DGKD: variants seen among roughly 807,000 people sequenced by gnomAD.
DGKD encodes the protein DAG kinase delta.
In DGKD, 68 loss-of-function variants were observed where a neutral mutation model predicts 154.4. That is an observed-to-expected ratio of 0.44 (90% confidence interval 0.36 to 0.54). DGKD has a LOEUF of 0.54. DGKD is among the 20% of genes least tolerant of loss of function. The pLI is 0.00. For synonymous variants in DGKD, 693 were observed against 638.0 expected (o/e 1.09, Z -1.30); for missense variants, 1,343 against 1,593.6 (o/e 0.84, Z 2.68).
At chr2:233,365,798 G>C (rs1306480779) in intron 1 of DGKD, among the ~76,000 whole-genome samples, 1 of 152,146 alleles carries the variant, frequency 6.6e-6, no homozygotes, top group East Asian at 1.9e-4. Flanking sequence ...TAATTTATGA[G>C]TCACAGAAAG....
rs773235445 is a variant in DGKD at position 233,436,463 on chromosome 2, G to A, written c.819+22G>A. On this transcript the variant is annotated intron_variant, in intron 7 of 29. Transcript: ENST00000264057. Reference sequence around the variant, plus strand: ...CATGGTGAGTGTGGGCCCTGCGCCCGGGCTGGAGGGGAGGGCTTGCTCCCT... The same window carrying A: ...CATGGTGAGTGTGGGCCCTGCGCCCAGGCTGGAGGGGAGGGCTTGCTCCCT... The A allele has an allele frequency of 4.0e-5, 65 of 1,604,986 alleles. No individual in the cohort carries two copies. In the Middle Eastern group the frequency reaches 4.9e-4, roughly 12 times the overall value.
At chr2:233,467,746 C>A (rs2063868573) in intron 28 of DGKD, among the ~76,000 whole-genome samples, 1 of 152,182 alleles carries the variant, frequency 6.6e-6, no homozygotes, top group Non-Finnish European at 1.5e-5. Context: ...CAGGCCATAT[C>A]CAGTGCTGTC....
chr2:233,360,282 T>G (rs1701720058), intron 1 of DGKD, among the ~76,000 whole-genome samples: 1 of 151,052 alleles, frequency 6.6e-6, no homozygotes, highest in South Asian at 2.1e-4. Context: ...TCTTTTTTTC[T>G]GAGACAGGGT....
intron 9 of DGKD, among the ~76,000 whole-genome samples, chr2:233,439,274 T>C (rs996314691): frequency 2.0e-5 from 3 of 152,112 alleles, no homozygotes; most frequent in African/African-American, 7.2e-5. Context: ...GTGGGGTCTG[T>C]GTATTAGGAG....
Position 233,436,333 on chromosome 2 carries a change from G to C in DGKD, c.711G>C (p.Gln237His), listed in dbSNP as rs775557000. Residue 237 changes from glutamine (Q) to histidine (H), a missense_variant, in exon 7 of 30, where the codon CAG becomes CAC. Around this residue, in one of 6 missense-constraint regions of DGKD, gnomAD observed 332 missense variants for 400.1 expected, o/e 0.83. Coordinates refer to ENST00000264057, the MANE Select transcript of DGKD (RefSeq NM_152879.3). Reference sequence around the variant, plus strand: ...GGTTGCAGATTGCAATGCCCCACCAGTGGTTGGAAGGAAACCTACCTGTGA... The same window carrying C: ...GGTTGCAGATTGCAATGCCCCACCACTGGTTGGAAGGAAACCTACCTGTGA... ...EDADGIAMPH[Q>H]WLEGNLPVSA... The C allele has an allele frequency of 6.2e-7, 1 of 1,614,240 alleles. No individual in the cohort carries two copies. Among genetic ancestry groups the C allele is most frequent in the Non-Finnish European group, 8.5e-7 (1 of 1,180,040 alleles).
chr2:233,374,088 T>C (rs1301274828), intron 1 of DGKD, among the ~76,000 whole-genome samples: 1 of 152,086 alleles, frequency 6.6e-6, no homozygotes, highest in Non-Finnish European at 1.5e-5. Flanking sequence ...AGTCTCGCTC[T>C]CACCCAGGCT....
At chr2:233,368,666 T>G (rs1702160162) in intron 1 of DGKD, among the ~76,000 whole-genome samples, 2 of 152,160 alleles carry the variant, frequency 1.3e-5, no homozygotes, top group South Asian at 4.1e-4. Flanking sequence ...GGCAAATGTT[T>G]CTCTCCCCCC....
intron 3 of DGKD, among the ~76,000 whole-genome samples, chr2:233,396,972 TG>T (rs565720239): frequency 9.2e-5 from 4 of 43,256 alleles, no homozygotes; most frequent in East Asian, 7.7e-4. Flanking sequence ...CCAGGGTGGC[TG>T]GGGGGGGCAG....
chr2:233,444,089 G>A (rs1030648461), intron 10 of DGKD, among the ~76,000 whole-genome samples: 4 of 152,064 alleles, frequency 2.6e-5, no homozygotes, highest in Non-Finnish European at 5.9e-5. Flanking sequence ...TCCTGGGGGC[G>A]CCTCAATTGA....
intron 26 of DGKD, 146 bp downstream of exon 26, chr2:233,462,881 T>C (rs2063694962): frequency 4.2e-6 from 3 of 713,610 alleles, no homozygotes; most frequent in Non-Finnish European, 7.1e-6. Flanking sequence ...TGGTTTGTTG[T>C]GCGGCTGGTG....
intron 1 of DGKD, among the ~76,000 whole-genome samples, chr2:233,385,178 G>A (rs2125428622): frequency 2.0e-5 from 3 of 152,286 alleles, no homozygotes; most frequent in African/African-American, 7.2e-5. Flanking sequence ...CATTCTCAGA[G>A]CTGTCTTACT....
intron 1 of DGKD, among the ~76,000 whole-genome samples, chr2:233,372,195 A>AT (rs1702357495): frequency 6.6e-6 from 1 of 151,884 alleles, no homozygotes; most frequent in South Asian, 2.1e-4. Context: ...TAATTTTTGT[A>AT]TTTTTTGTAG....
rs559892595 is a variant in DGKD, at chr2:233,468,686, G to A, written c.3555+133G>A. The stretch of plus-strand genomic sequence containing the variant: ...TCAGGCTTTCGTGTATACCTCAGGT[G>A]GGGGCGGCTGTGGCCCTCATCTAGG... On this transcript the variant is annotated intron_variant, in intron 29 of 29. Transcript: ENST00000264057. 1.1e-5 allele frequency: 15 copies of A among 1,408,230 alleles called. No homozygotes were observed. The South Asian group carries it at 1.9e-4, about 18-fold the overall frequency. 87.2% of individuals were successfully genotyped at this position (1,408,230 alleles called of 1,614,324 possible).
intron 3 of DGKD, among the ~76,000 whole-genome samples, chr2:233,432,246 CCAGGCG>C (rs2062544077): frequency 2.0e-5 from 2 of 101,514 alleles, no homozygotes; most frequent in African/African-American, 3.4e-5. Flanking sequence ...AAAAAATTAG[CCAGGCG>C]TGGTTGCTCA....
At chr2:233,374,048 T>G (rs1395728240) in intron 1 of DGKD, among the ~76,000 whole-genome samples, 1 of 151,922 alleles carries the variant, frequency 6.6e-6, no homozygotes, top group Non-Finnish European at 1.5e-5. Context: ...GTTTTTTTTG[T>G]TTTTGTTTGT....
rs959386711 is a variant in DGKD, at chr2:233,449,437, C to T, written c.1888+61C>T. The T allele has an allele frequency of 7.2e-6, 11 of 1,526,878 alleles. No individual in the cohort carries two copies. Among genetic ancestry groups the T allele is most frequent in the African/African-American group, 4.1e-5 (3 of 72,870 alleles). 94.6% of individuals were successfully genotyped at this position (1,526,878 alleles called of 1,614,324 possible). On this transcript the variant is annotated intron_variant, in intron 15 of 29. Coordinates refer to ENST00000264057, the MANE Select transcript of DGKD (RefSeq NM_152879.3). This position sits in a 1 kb window ranked among gnomAD's most constrained non-coding sequence, Gnocchi z 5.3. The stretch of plus-strand genomic sequence containing the variant: ...GGCCAGCACTGGGCATGCCCAGCGT[C>T]CCCTGAACACGGAGATGACAGAAGG...
Position 233,450,124 on chromosome 2 carries a change from G to A in DGKD, c.2031G>A (p.Gln677=). 1 of 1,610,098 alleles carries A rather than the reference G, an allele frequency of 6.2e-7. No individual in the cohort carries two copies. Among genetic ancestry groups the A allele is most frequent in the African/African-American group, 1.3e-5 (1 of 74,924 alleles). ...ESFGVPKGRS[Q]RKVSKSPCEK... is the part of the protein sequence containing the mutation. ...TCGGGGTCCCCAAGGGGAGGAGCCAGCGCAAAGGTACTTGTGCCTCCACCT... is the reference window on the plus strand; with the variant it reads ...TCGGGGTCCCCAAGGGGAGGAGCCAACGCAAAGGTACTTGTGCCTCCACCT... Residue 677 remains glutamine, a synonymous_variant, in exon 16 of 30, where the codon CAG becomes CAA. Transcript: ENST00000264057.
At chr2:233,389,205 T>C (rs1179751562) in intron 2 of DGKD, among the ~76,000 whole-genome samples, 2 of 152,208 alleles carry the variant, frequency 1.3e-5, no homozygotes, top group Non-Finnish European at 2.9e-5. Context: ...TGAACAGAAA[T>C]GGGAAATTCT....
rs775573428 is a variant in DGKD, at chr2:233,437,388, G to T, written c.831G>T (p.Ser277=). The T allele has an allele frequency of 6.2e-7, 1 of 1,614,188 alleles. No homozygotes were observed. The highest frequency in any genetic ancestry group is 8.5e-7 in the Non-Finnish European group (1 of 1,180,024). ...CLWCKAMVHT[S]CKESLLTKCP... ...GACTCTTGTTTCAGGTTCACACATCGTGTAAAGAATCCTTGCTGACCAAGT... is the reference window on the plus strand; with the variant it reads ...GACTCTTGTTTCAGGTTCACACATCTTGTAAAGAATCCTTGCTGACCAAGT... The change falls in exon 8 of 30, where the codon TCG becomes TCT. Residue 277 remains serine (S), a synonymous_variant. Coordinates refer to ENST00000264057, the MANE Select transcript of DGKD (RefSeq NM_152879.3).
Sources: gnomAD v4.1 joint callset for allele counts (sites outside exome capture counted in the v4.1 genomes callset) on GRCh38, gnomAD v4.1.1 for gene constraint, gnomAD v4.1.1 regional missense constraint, Gnocchi (gnomAD v3.1) non-coding constraint, MANE v1.5 for transcripts, NCBI Gene and HGNC (gene_info 2026-07-23, HGNC 2026-07-21) for gene names.